TBL1X: variants seen among roughly 807,000 people sequenced by gnomAD.
TBL1X encodes the protein transducin beta like 1 X-linked.
A neutral mutation model predicts 50.7 loss-of-function variants in TBL1X; 10 were observed. The ratio of observed to expected loss-of-function variants is 0.20; its 90% CI spans 0.12 to 0.33. TBL1X has a LOEUF of 0.33. Ranked by LOEUF, TBL1X falls within the 10% of genes least tolerant of loss-of-function variation. The probability of loss-of-function intolerance (pLI) is 1.00; values close to 1 mark genes in which losing one functional copy is unlikely to be tolerated. For synonymous variants in TBL1X, 190 were observed against 214.7 expected (o/e 0.88, Z 1.01); for missense variants, 340 against 504.4 (o/e 0.67, Z 3.12).
chrX:9,700,416 A>G (rs60115975), intron 12 of TBL1X, among the ~76,000 whole-genome samples: 1,853 of 111,984 alleles, frequency 0.017, 38 homozygotes, highest in African/African-American at 0.057. Context: ...CCCAGGCCCT[A>G]TGGAAGGGTT....
At chrX:9,708,010 A>G in intron 13 of TBL1X, among the ~76,000 whole-genome samples, 1 of 112,186 alleles carries the variant, frequency 8.9e-6, no homozygotes, top group Non-Finnish European at 1.9e-5. Context: ...AAAATTCATT[A>G]TGAGTGTGTC....
chrX:9,697,434 G>A lies in TBL1X; in HGVS notation c.1114+5G>A. 1 of 1,202,565 alleles carries A rather than the reference G, an allele frequency of 8.3e-7. No homozygotes were observed. The highest frequency in any genetic ancestry group is 1.7e-5 in the African/African-American group (1 of 57,563). On this transcript the variant is annotated splice_donor_5th_base_variant and intron_variant, in intron 12 of 17. Transcript: ENST00000645353. ...AGCAGTTTCCTTTTCATTCAGGTGAGTTTTTTGTTGTTGTTGTTGTTGTTT... is the reference window on the plus strand; with the variant it reads ...AGCAGTTTCCTTTTCATTCAGGTGAATTTTTTGTTGTTGTTGTTGTTGTTT...
chrX:9,552,616 T>C (rs1204059918), intron 2 of TBL1X, among the ~76,000 whole-genome samples: 1 of 112,057 alleles, frequency 8.9e-6, no homozygotes, highest in Admixed American at 9.5e-5. Context: ...AGGGTGTTAC[T>C]ACTGGTCAAA....
chrX:9,683,512 C>T (rs977534146), intron 5 of TBL1X, among the ~76,000 whole-genome samples: 24 of 111,596 alleles, frequency 2.2e-4, no homozygotes, highest in African/African-American at 6.5e-4. Context: ...GCCTCTTCTC[C>T]GTCTTCAGTT....
chrX:9,706,918 C>T (rs917406330), intron 13 of TBL1X, among the ~76,000 whole-genome samples: 3 of 111,649 alleles, frequency 2.7e-5, no homozygotes. Flanking sequence ...GGCCCATTCA[C>T]GTATCCTCTG....
intron 2 of TBL1X, among the ~76,000 whole-genome samples, chrX:9,548,035 C>T (rs776788496): frequency 1.8e-4 from 19 of 106,345 alleles, no homozygotes; most frequent in African/African-American, 6.5e-4. Flanking sequence ...CTGCCACCAC[C>T]ACCGCTACCA....
intron 2 of TBL1X, among the ~76,000 whole-genome samples, chrX:9,619,182 C>T (rs982720195): frequency 8.9e-6 from 1 of 112,371 alleles, no homozygotes; most frequent in Non-Finnish European, 1.9e-5. Context: ...CTTGAGTTTT[C>T]TATGAAAGGA....
At chrX:9,464,950 G>A (rs1286636760), upstream of TBL1X, 1 of 109,610 alleles carries the variant, frequency 9.1e-6, no homozygotes, top group African/African-American at 3.3e-5. Flanking sequence ...CGGCTCCCCC[G>A]GGGCGCAGGG....
intron 2 of TBL1X, among the ~76,000 whole-genome samples, chrX:9,557,164 A>G (rs1158215389): frequency 8.9e-6 from 1 of 111,807 alleles, no homozygotes; most frequent in East Asian, 2.8e-4. Context: ...CGCCTGGTCA[A>G]AGTATCCTGT....
At position 9,506,460 on chromosome X, in the gene TBL1X, C is replaced by T. The variant is rs557211616; in HGVS notation, c.-131+4611C>T. The stretch of plus-strand genomic sequence containing the variant: ...GAAATAACTAATATCAGAGAAGAAT[C>T]GAAGGCGATAGAGACGCAAAAAAGC... On this transcript the variant is annotated intron_variant, in intron 2 of 17. Transcript: ENST00000645353. Among the ~76,000 whole-genome samples, 483 of 111,095 alleles carry T rather than the reference C, an allele frequency of 4.3e-3. 3 individuals carry two copies. Among genetic ancestry groups the T allele is most frequent in the Middle Eastern group, 0.028 (6 of 216 alleles).
chrX:9,475,349 TCTC>T (rs1001032832), intron 1 of TBL1X, among the ~76,000 whole-genome samples: 2 of 111,066 alleles, frequency 1.8e-5, no homozygotes, highest in African/African-American at 3.3e-5. Context: ...TTTAAGCAAT[TCTC>T]CTGCCTCAGC....
intron 2 of TBL1X, among the ~76,000 whole-genome samples, chrX:9,506,490 C>CA (rs1481137709): frequency 9.0e-6 from 1 of 110,995 alleles, no homozygotes; most frequent in African/African-American, 3.3e-5. Context: ...AAAAGCCCTC[C>CA]AAAAAATCAT....
intron 2 of TBL1X, among the ~76,000 whole-genome samples, chrX:9,514,303 A>G (rs1437126555): frequency 2.0e-5 from 2 of 101,794 alleles, no homozygotes; most frequent in Non-Finnish European, 4.0e-5. Context: ...CTCAAACCCA[A>G]AACAAAAAAA....
At position 9,508,604 on chromosome X, in the gene TBL1X, T is replaced by G. The variant is rs188879888; in HGVS notation, c.-131+6755T>G. ...ATTTCTGGATATATACCCAAAGTAA[T>G]GTAAATCATTCTGCTATAAAGATGC... is the stretch of plus-strand genomic sequence containing the variant. On this transcript the variant is annotated intron_variant, in intron 2 of 17. Coordinates refer to ENST00000645353, the MANE Select transcript of TBL1X (RefSeq NM_005647.4). Among the ~76,000 whole-genome samples the G allele has an allele frequency of 1.4e-4, 16 of 112,262 alleles. No homozygotes were observed. In the Admixed American group the frequency reaches 1.5e-3, roughly 11 times the overall value.
chrX:9,586,170 C>T (rs1367101538), intron 2 of TBL1X, among the ~76,000 whole-genome samples: 1 of 112,137 alleles, frequency 8.9e-6, no homozygotes, highest in African/African-American at 3.2e-5. Flanking sequence ...AAATCAGAAT[C>T]TCAAAGAGAC....
chrX:9,493,499 T>A (rs1202145816), intron 1 of TBL1X, among the ~76,000 whole-genome samples: 1 of 112,126 alleles, frequency 8.9e-6, no homozygotes. Context: ...TGATGGCTCA[T>A]GCCTATAACC....
chrX:9,583,933 A>G (rs572124905), intron 2 of TBL1X, among the ~76,000 whole-genome samples: 19 of 112,473 alleles, frequency 1.7e-4, no homozygotes, highest in African/African-American at 5.5e-4. Context: ...AGAAAAATGA[A>G]AAAAGACATG....
chrX:9,700,821 G>A (rs181642112), intron 12 of TBL1X, among the ~76,000 whole-genome samples: 17 of 111,940 alleles, frequency 1.5e-4, no homozygotes, highest in Admixed American at 2.8e-4. Context: ...AAACTCGGCC[G>A]CAGAAAGGAA....
At chrX:9,651,953 C>T (rs1196437958) in intron 3 of TBL1X, among the ~76,000 whole-genome samples, 1 of 112,471 alleles carries the variant, frequency 8.9e-6, no homozygotes, top group East Asian at 2.8e-4. Context: ...CAGCTTGAAA[C>T]AACACACATT....
Sources: allele counts gnomAD v4.1 joint callset (sites outside exome capture counted in the v4.1 genomes callset), GRCh38; gene constraint gnomAD v4.1.1; transcripts MANE v1.5; gene names NCBI Gene and HGNC (gene_info 2026-07-23, HGNC 2026-07-21).